Variants in PTPN1 observed in about 807,000 individuals in gnomAD.
The protein encoded by PTPN1 is protein tyrosine phosphatase non-receptor type 1, also known as tyrosine-protein phosphatase non-receptor type 1.
A neutral mutation model predicts 59.9 loss-of-function variants in PTPN1; 12 were observed. That is an observed-to-expected ratio of 0.20 (90% CI 0.13 to 0.32). PTPN1 has a LOEUF of 0.32. Among genes scored for constraint, PTPN1 ranks in the 10% least tolerant of loss-of-function variants. PTPN1 has a pLI of 1.00. For missense variants in PTPN1, 356 were observed against 549.2 expected (o/e 0.65, Z 3.52); for synonymous variants, 178 against 203.6 (o/e 0.87, Z 1.07).
intron 1 of PTPN1, among the ~76,000 whole-genome samples, chr20:50,549,345 ATT>A (rs2122762076): frequency 6.6e-6 from 1 of 152,254 alleles, no homozygotes; most frequent in African/African-American, 2.4e-5. Context: ...TTCACGAAGC[ATT>A]TTTCATGCCC....
At chr20:50,564,384 A>G (rs183456364) in intron 2 of PTPN1, among the ~76,000 whole-genome samples, 1 of 152,282 alleles carries the variant, frequency 6.6e-6, no homozygotes, top group East Asian at 1.9e-4. Context: ...ACTTGAGGCC[A>G]GGAGTTCGAG....
chr20:50,566,295 T>G (rs1480739598), intron 3 of PTPN1, among the ~76,000 whole-genome samples: 1 of 152,212 alleles, frequency 6.6e-6, no homozygotes. Context: ...TTTCAGCCCT[T>G]CAACTCTGGT....
chr20:50,523,239 C>T (rs966491266), intron 1 of PTPN1, among the ~76,000 whole-genome samples: 2 of 152,078 alleles, frequency 1.3e-5, no homozygotes, highest in Admixed American at 6.5e-5. Flanking sequence ...GGAAAAGGAA[C>T]GTGTGCAAAG....
In PTPN1 at chr20:50,548,298, A is replaced by T. The variant is rs554898351; in HGVS notation, c.64-13065A>T. ...TCATGATTATTCATTTATTTCCAGG[A>T]TTTCTCATTTCTTCAGTCACATCTC... On this transcript the variant is annotated intron_variant, in intron 1 of 9. Transcript: ENST00000371621. 2.0e-5 allele frequency among the ~76,000 whole-genome samples: 3 copies of T among 151,808 alleles called. No homozygotes were observed. In the South Asian group the frequency reaches 6.2e-4, roughly 32 times the overall value.
At position 50,581,409 on chromosome 20, in the gene PTPN1, C is replaced by T; in HGVS notation, c.1233C>T (p.Val411=). 1 of 1,613,962 alleles carries T rather than the reference C, an allele frequency of 6.2e-7. No homozygotes were observed. Among genetic ancestry groups the T allele is most frequent in the South Asian group, 1.1e-5 (1 of 91,066 alleles). ...TGAGTTACTGGAAGCCCTTCCTGGT[C>T]AACATGTGCGTGGCTACGGTCCTCA... ...HALSYWKPFL[V]NMCVATVLTA... The change falls in exon 9 of 10, where the codon GTC becomes GTT. Residue 411 remains valine, a synonymous_variant. Transcript: ENST00000371621.
intron 6 of PTPN1, 46 bp downstream of exon 6, chr20:50,578,675 C>G (rs776934320): frequency 4.6e-6 from 7 of 1,505,982 alleles, no homozygotes; most frequent in African/African-American, 1.4e-5. Context: ...TCTACCTGCT[C>G]TGCTGTGATG....
intron 5 of PTPN1, among the ~76,000 whole-genome samples, chr20:50,576,396 CTTTGTT>C (rs1441439504): frequency 6.6e-6 from 1 of 152,092 alleles, no homozygotes; most frequent in African/African-American, 2.4e-5. Flanking sequence ...CTCCAACAGA[CTTTGTT>C]TTTAAAAGGC....
chr20:50,549,714 A>C (rs527518227), intron 1 of PTPN1, among the ~76,000 whole-genome samples: 1 of 152,330 alleles, frequency 6.6e-6, no homozygotes, highest in African/African-American at 2.4e-5. Context: ...CAGACTTGGT[A>C]CTGATTAGCT....
chr20:50,519,528 G>C (rs573614840), intron 1 of PTPN1, among the ~76,000 whole-genome samples: 1 of 152,176 alleles, frequency 6.6e-6, no homozygotes, highest in Admixed American at 6.5e-5. Context: ...AAGTGGGAGC[G>C]TGGTATGTCC....
In PTPN1 at chr20:50,565,915, G is replaced by T. The variant is rs534477377; in HGVS notation, c.255+846G>T. Among the ~76,000 whole-genome samples the T allele has an allele frequency of 2.6e-5, 4 of 152,358 alleles. No homozygotes were observed. The South Asian group carries it at 8.3e-4, about 32-fold the overall frequency. On this transcript the variant is annotated intron_variant, in intron 3 of 9. Transcript: ENST00000371621. The stretch of plus-strand genomic sequence containing the variant: ...ACAGAATGCTCTATGAAGAAAGGCT[G>T]CTTTGAGCAAGGAGCTAGGTCAGGG...
At chr20:50,542,299 G>A (rs1025189674) in intron 1 of PTPN1, among the ~76,000 whole-genome samples, 1 of 152,214 alleles carries the variant, frequency 6.6e-6, no homozygotes, top group African/African-American at 2.4e-5. Flanking sequence ...GTATCTTAGT[G>A]AAATTTTATA....
chr20:50,513,508 G>T (rs934584544), intron 1 of PTPN1, among the ~76,000 whole-genome samples: 7 of 152,134 alleles, frequency 4.6e-5, no homozygotes, highest in African/African-American at 1.7e-4. Flanking sequence ...TAAATTCTTT[G>T]ATTCTCTGAC....
chr20:50,526,734 C>T (rs1341633417), intron 1 of PTPN1, among the ~76,000 whole-genome samples: 2 of 152,048 alleles, frequency 1.3e-5, no homozygotes, highest in African/African-American at 4.8e-5. Context: ...CTCCCCCCAC[C>T]GCAGCCTCCT....
At chr20:50,524,425 G>A (rs1273887660) in intron 1 of PTPN1, among the ~76,000 whole-genome samples, 1 of 151,906 alleles carries the variant, frequency 6.6e-6, no homozygotes, top group Non-Finnish European at 1.5e-5. Flanking sequence ...TCAAGTTTTA[G>A]CCTTCCCACT....
Position 50,583,911 on chromosome 20 carries a change from A to G in PTPN1, c.*1196A>G, listed in dbSNP as rs1455375561. The G allele has an allele frequency of 2.0e-5, 3 of 152,506 alleles. No homozygotes were observed. The highest frequency in any genetic ancestry group is 4.4e-5 in the Non-Finnish European group (3 of 68,048). The allele number at this position is 152,506 out of a possible 1,614,324, so 9.4% of individuals were successfully genotyped here. A position where few individuals can be genotyped will look rare whatever the true frequency, so the allele number is the denominator to read the frequency against. ...CCATTCCAAGTCAACACTCTTCTTG[A>G]GCAGACCGTGATTTGGAAGAGAGGC... On this transcript the variant is annotated 3_prime_UTR_variant, in exon 10 of 10. Coordinates refer to ENST00000371621, the MANE Select transcript of PTPN1 (RefSeq NM_002827.4).
intron 3 of PTPN1, 109 bp downstream of exon 3, chr20:50,565,178 C>T: frequency 1.8e-6 from 2 of 1,137,156 alleles, no homozygotes; most frequent in South Asian, 1.8e-5. Flanking sequence ...GTCAGGATTT[C>T]AGCATACCAA....
At chr20:50,527,177 C>T (rs932483663) in intron 1 of PTPN1, among the ~76,000 whole-genome samples, 41 of 152,284 alleles carry the variant, frequency 2.7e-4, no homozygotes, top group African/African-American at 9.4e-4. Flanking sequence ...GTTCAACGTT[C>T]TCAGCTTCCT....
chr20:50,568,692 C>T lies in PTPN1; in HGVS notation c.354+214C>T, dbSNP rs1007175047. On this transcript the variant is annotated intron_variant, in intron 4 of 9. Coordinates refer to ENST00000371621, the MANE Select transcript of PTPN1 (RefSeq NM_002827.4). This position sits in a 1 kb window ranked among gnomAD's most constrained non-coding sequence, Gnocchi z 5.6. ...AAAGGGAGGAGGCGGAAGAACTGCA[C>T]GGACCTCTTCGCCCCCGCCTTCTCC... 6.6e-5 allele frequency among the ~76,000 whole-genome samples: 10 copies of T among 152,222 alleles called. No homozygotes were observed. In the East Asian group the frequency reaches 1.7e-3, roughly 26 times the overall value.
At chr20:50,574,865 T>A in intron 5 of PTPN1, 1 of 519,252 alleles carries the variant, frequency 1.9e-6, no homozygotes, top group Non-Finnish European at 3.3e-6. Context: ...CTCTGACCTT[T>A]AACAACAGTT....
Sources: allele counts gnomAD v4.1 joint callset (sites outside exome capture counted in the v4.1 genomes callset), GRCh38; gene constraint gnomAD v4.1.1; non-coding constraint Gnocchi (gnomAD v3.1); transcripts MANE v1.5; gene names NCBI Gene and HGNC (gene_info 2026-07-23, HGNC 2026-07-21).